The following CLASP1 variants were observed in gnomAD, a reference collection of about 807,000 sequenced individuals.
CLASP1 encodes the protein cytoplasmic linker associated protein 1.
A neutral mutation model predicts 192.3 loss-of-function variants in CLASP1; 38 were observed. The ratio of observed to expected loss-of-function variants is 0.20; its 90% CI spans 0.15 to 0.26. CLASP1 has a LOEUF of 0.26. Ranked by LOEUF, CLASP1 falls within the 10% of genes least tolerant of loss-of-function variation. The pLI is 1.00. For missense variants in CLASP1, 1,433 were observed against 1,932.5 expected (o/e 0.74, Z 4.85); for synonymous variants, 691 against 712.8 (o/e 0.97, Z 0.49).
chr2:121,498,243 G>A (rs2093614060), intron 8 of CLASP1, among the ~76,000 whole-genome samples: 1 of 141,024 alleles, frequency 7.1e-6, no homozygotes, highest in East Asian at 2.0e-4. Flanking sequence ...TCACGACCAG[G>A]CTGGAGCGCA....
intron 2 of CLASP1, among the ~76,000 whole-genome samples, chr2:121,570,127 C>T (rs970216801): frequency 7.2e-5 from 11 of 152,238 alleles, no homozygotes; most frequent in Non-Finnish European, 1.6e-4. Flanking sequence ...TATGCACTCA[C>T]TTCTTTCCAA....
intron 25 of CLASP1, 22 bp from the exon 27 acceptor site, chr2:121,404,456 T>C (rs2076610783): frequency 1.3e-6 from 2 of 1,588,386 alleles, no homozygotes; most frequent in Non-Finnish European, 1.7e-6. Flanking sequence ...AAAACAGAAA[T>C]CAATGAATTT....
rs560887610 is a variant in CLASP1 at position 121,522,108 on chromosome 2, G to A, written c.546+3737C>T. Among the ~76,000 whole-genome samples, 3 of 152,304 alleles carry A rather than the reference G, an allele frequency of 2.0e-5. No homozygotes were observed. In the East Asian group the frequency reaches 5.8e-4, roughly 29 times the overall value. The stretch of plus-strand genomic sequence containing the variant: ...TCCTGGCAGAAGGGAGACATGGATT[G>A]ATTGTATGTCTGTGTATGTGTGTGT... On this transcript the variant is annotated intron_variant, in intron 6 of 39. Transcript: ENST00000263710.
In CLASP1 at chr2:121,401,508, C is replaced by T; in HGVS notation, c.2900+1G>A. ...AATGGACCTAACCCTTAAACACTTA[C>T]CTTGTGACATCTAGAGCCTTTTGAA... On this transcript the variant is annotated splice_donor_variant, in intron 28 of 39. Transcript: ENST00000263710. LOFTEE classifies it high-confidence loss of function. 1 of 1,607,476 alleles carries T rather than the reference C, an allele frequency of 6.2e-7. No homozygotes were observed. The highest frequency in any genetic ancestry group is 1.7e-5 in the Admixed American group (1 of 58,694).
chr2:121,412,649 A>AT (rs1029372836), intron 23 of CLASP1, among the ~76,000 whole-genome samples: 13 of 152,264 alleles, frequency 8.5e-5, no homozygotes, highest in African/African-American at 2.9e-4. Context: ...GAATATACAG[A>AT]TTTTTTCAGA....
intron 2 of CLASP1, among the ~76,000 whole-genome samples, chr2:121,576,691 A>G (rs1035357845): frequency 9.2e-5 from 14 of 152,240 alleles, no homozygotes; most frequent in Non-Finnish European, 1.9e-4. Flanking sequence ...GTTTAAATTC[A>G]TGAGTTATAT....
At chr2:121,551,235 G>A (rs894637362) in intron 2 of CLASP1, among the ~76,000 whole-genome samples, 1 of 152,144 alleles carries the variant, frequency 6.6e-6, no homozygotes, top group Non-Finnish European at 1.5e-5. Flanking sequence ...CAAATGCACA[G>A]CCAACACCAT....
intron 28 of CLASP1, 41 bp downstream of exon 29, chr2:121,401,468 A>G (rs760147068): frequency 6.5e-7 from 1 of 1,526,896 alleles, no homozygotes; most frequent in East Asian, 2.3e-5. Flanking sequence ...ACTTACAAGT[A>G]TCCTGTAACA....
intron 2 of CLASP1, among the ~76,000 whole-genome samples, chr2:121,589,911 G>A (rs1179662017): frequency 2.6e-5 from 4 of 151,678 alleles, no homozygotes; most frequent in South Asian, 4.2e-4. Flanking sequence ...TGTGAACATC[G>A]TTGAGGTATC....
At chr2:121,431,968 C>G (rs937311449) in intron 19 of CLASP1, among the ~76,000 whole-genome samples, 1 of 152,028 alleles carries the variant, frequency 6.6e-6, no homozygotes, top group Admixed American at 6.6e-5. Context: ...ATTTACTTAA[C>G]GCTTTTCTTA....
chr2:121,408,882 T>A lies in CLASP1; in HGVS notation c.2425-1167A>T, dbSNP rs186913322. 6.2e-4 allele frequency: 429 copies of A among 694,962 alleles called. 1 individual carries two copies. In the African/African-American group the frequency reaches 7.1e-3, roughly 11 times the overall value. The allele number at this position is 694,962 out of a possible 1,614,324, so 43.0% of individuals were successfully genotyped here. A position where few individuals can be genotyped will look rare whatever the true frequency, so the allele number is the denominator to read the frequency against. ...CCATGAATAAAGACAACAATGATGG[T>A]GAATCACTGTTATGATTCAACAAAA... On this transcript the variant is annotated intron_variant, in intron 24 of 39. Coordinates refer to ENST00000263710, the Ensembl canonical transcript of CLASP1.
At chr2:121,640,607 T>G (rs1280685281) in intron 1 of CLASP1, among the ~76,000 whole-genome samples, 1 of 152,012 alleles carries the variant, frequency 6.6e-6, no homozygotes, top group Non-Finnish European at 1.5e-5. Flanking sequence ...GGTTTCCAGA[T>G]GCTGCCAGAT....
At chr2:121,347,656 C>T (rs1394276061) in intron 38 of CLASP1, among the ~76,000 whole-genome samples, 4 of 152,210 alleles carry the variant, frequency 2.6e-5, no homozygotes, top group Non-Finnish European at 4.4e-5. Flanking sequence ...ATGTCCGTGT[C>T]CCTTTGAGCT....
chr2:121,473,206 A>G (rs771157163), intron 8 of CLASP1, among the ~76,000 whole-genome samples: 9 of 152,226 alleles, frequency 5.9e-5, no homozygotes, highest in Non-Finnish European at 7.3e-5. Flanking sequence ...AACTTCTATT[A>G]TAACTATGTT....
intron 22 of CLASP1, among the ~76,000 whole-genome samples, chr2:121,421,745 G>T (rs574692371): frequency 3.9e-4 from 59 of 152,210 alleles, no homozygotes; most frequent in African/African-American, 1.3e-3. Flanking sequence ...GTTTTGCCAT[G>T]GTGGTCAGGC....
In CLASP1 at chr2:121,354,352, G is replaced by A. The variant is rs1048406774; in HGVS notation, c.4207-5634C>T. Among the ~76,000 whole-genome samples the A allele has an allele frequency of 8.5e-5, 13 of 152,286 alleles. No individual in the cohort carries two copies. In the East Asian group the frequency reaches 9.6e-4, roughly 11 times the overall value. Reference sequence around the variant, plus strand: ...AGTCACCAATTGTCTGAGGAGGACCGGCATGTTTCTTGGAAGAGCTCTGTC... The same window carrying A: ...AGTCACCAATTGTCTGAGGAGGACCAGCATGTTTCTTGGAAGAGCTCTGTC... On this transcript the variant is annotated intron_variant, in intron 37 of 39. Coordinates refer to ENST00000263710, the Ensembl canonical transcript of CLASP1.
At chr2:121,341,330 C>A (rs926176331) in intron 39 of CLASP1, among the ~76,000 whole-genome samples, 1 of 152,206 alleles carries the variant, frequency 6.6e-6, no homozygotes, top group African/African-American at 2.4e-5. Flanking sequence ...AGGGTGAGAA[C>A]CCCGCTCCAC....
chr2:121,362,092 T>C (rs1460512091), intron 37 of CLASP1, among the ~76,000 whole-genome samples: 2 of 152,254 alleles, frequency 1.3e-5, no homozygotes, highest in Non-Finnish European at 2.9e-5. Flanking sequence ...GTGTTAACTA[T>C]AATTCCCTTC....
chr2:121,569,587 T>A (rs1194872181), intron 2 of CLASP1, among the ~76,000 whole-genome samples: 1 of 152,208 alleles, frequency 6.6e-6, no homozygotes, highest in Non-Finnish European at 1.5e-5. Flanking sequence ...ACGTGGTGGC[T>A]CACACCTGTA....
Sources: gnomAD v4.1 joint callset for allele counts (sites outside exome capture counted in the v4.1 genomes callset) on GRCh38, gnomAD v4.1.1 for gene constraint, MANE v1.5 for transcripts, NCBI Gene and HGNC (gene_info 2026-07-23, HGNC 2026-07-21) for gene names.